The following TAFA1 variants were observed in gnomAD, a reference collection of about 807,000 sequenced individuals.
TAFA1 encodes chemokine-like protein TAFA-1.
Under a neutral mutation model 18.5 loss-of-function variants are expected in TAFA1, and 4 were observed. That is an observed-to-expected ratio of 0.22 (90% CI 0.11 to 0.49). The LOEUF is 0.49. TAFA1 is among the 20% of genes least tolerant of loss of function. The probability of loss-of-function intolerance (pLI) is 0.98; values close to 1 mark genes in which losing one functional copy is unlikely to be tolerated. For missense variants in TAFA1, 147 were observed against 169.0 expected, an observed-to-expected ratio of 0.87 and a Z score of 0.72; for synonymous variants, 56 against 55.2, an observed-to-expected ratio of 1.01 and a Z score of -0.06.
intron 2 of TAFA1, among the ~76,000 whole-genome samples, chr3:68,088,580 C>T (rs917384098): frequency 2.6e-5 from 4 of 152,130 alleles, no homozygotes; most frequent in African/African-American, 9.7e-5. Context: ...CAATTTTGAA[C>T]CTGTGCGTTT....
intron 2 of TAFA1, among the ~76,000 whole-genome samples, chr3:68,122,330 C>T (rs943026633): frequency 6.6e-6 from 1 of 152,132 alleles, no homozygotes; most frequent in African/African-American, 2.4e-5. Context: ...GTGACCCCTG[C>T]AATGTACAAA....
chr3:68,020,510 C>T lies in TAFA1; in HGVS notation c.118+13766C>T, dbSNP rs535400334. 2.5e-4 allele frequency among the ~76,000 whole-genome samples: 38 copies of T among 151,988 alleles called. No individual in the cohort carries two copies. The South Asian group carries it at 7.5e-3, about 30-fold the overall frequency. The stretch of plus-strand genomic sequence containing the variant: ...AGAGACAATGTTTGTTCTACACTTG[C>T]CATATAGTAGGTGTTTAGGACATGT... On this transcript the variant is annotated intron_variant, in intron 2 of 4. Coordinates refer to ENST00000478136, the MANE Select transcript of TAFA1 (RefSeq NM_213609.4).
intron 3 of TAFA1, among the ~76,000 whole-genome samples, chr3:68,532,226 G>A (rs979785547): frequency 5.3e-5 from 8 of 152,146 alleles, no homozygotes; most frequent in East Asian, 1.9e-4. Context: ...ATAGGGGCTC[G>A]GGTCTTCCCA....
rs542320276 is a variant in TAFA1 at position 68,165,686 on chromosome 3, G to A, written c.118+158942G>A. Among the ~76,000 whole-genome samples, 4 of 152,334 alleles carry A rather than the reference G, an allele frequency of 2.6e-5. No homozygotes were observed. The South Asian group carries it at 8.3e-4, about 32-fold the overall frequency. ...TATTTAACAAATATTTATTCATCAA[G>A]TGCTTTCTGTGTGCCAGGCACATTT... On this transcript the variant is annotated intron_variant, in intron 2 of 4. Transcript: ENST00000478136.
At chr3:68,457,980 T>A (rs2071698160) in intron 3 of TAFA1, among the ~76,000 whole-genome samples, 1 of 152,198 alleles carries the variant, frequency 6.6e-6, no homozygotes, top group South Asian at 2.1e-4. Flanking sequence ...GGTAAGCTCA[T>A]GGGATGAACC....
At chr3:68,201,203 T>G (rs1270621772) in intron 2 of TAFA1, among the ~76,000 whole-genome samples, 1 of 151,756 alleles carries the variant, frequency 6.6e-6, no homozygotes, top group African/African-American at 2.4e-5. Flanking sequence ...ATCTTTCTGT[T>G]ATTGAATTTT....
At chr3:68,265,528 G>A (rs1015704720) in intron 2 of TAFA1, among the ~76,000 whole-genome samples, 7 of 152,290 alleles carry the variant, frequency 4.6e-5, no homozygotes, top group African/African-American at 1.7e-4. Context: ...TATGAATTCT[G>A]AAGCTTCAGA....
chr3:68,528,038 A>G (rs917300960), intron 3 of TAFA1, among the ~76,000 whole-genome samples: 6 of 152,148 alleles, frequency 3.9e-5, no homozygotes, highest in Admixed American at 2.0e-4. Context: ...AAGAAATACA[A>G]TTTGAGCTGT....
chr3:68,387,038 A>G (rs2070119716), intron 2 of TAFA1, among the ~76,000 whole-genome samples: 2 of 151,902 alleles, frequency 1.3e-5, no homozygotes, highest in Admixed American at 6.6e-5. Flanking sequence ...AATTAAATCC[A>G]TACACTCTGT....
chr3:67,998,699 G>A, the TAFA1 span, among the ~76,000 whole-genome samples: 7 of 152,318 alleles, frequency 4.6e-5, no homozygotes, highest in East Asian at 3.9e-4. Context: ...TGTTTCAGCC[G>A]TGAGGAGACA....
rs2073445495 is a variant in TAFA1, at chr3:68,545,552, G to T, written c.*1049G>T. 2.0e-5 allele frequency: 3 copies of T among 152,586 alleles called. No homozygotes were observed. The South Asian group carries it at 6.2e-4, about 32-fold the overall frequency. The allele number at this position is 152,586 out of a possible 1,614,324, so 9.5% of individuals were successfully genotyped here. On this transcript the variant is annotated 3_prime_UTR_variant, in exon 5 of 5. Coordinates refer to ENST00000478136, the MANE Select transcript of TAFA1 (RefSeq NM_213609.4). ...GATAGGAAGGCCATGAAAACAATTAGATTTCAAGATGATCTATGTGACCAA... is the reference window on the plus strand; with the variant it reads ...GATAGGAAGGCCATGAAAACAATTATATTTCAAGATGATCTATGTGACCAA...
intron 3 of TAFA1, among the ~76,000 whole-genome samples, chr3:68,484,961 A>G (rs1322184891): frequency 6.6e-6 from 1 of 152,242 alleles, no homozygotes; most frequent in Non-Finnish European, 1.5e-5. Context: ...AAGAGTCATA[A>G]TCAAGGCTAT....
intron 2 of TAFA1, among the ~76,000 whole-genome samples, chr3:68,377,501 A>G (rs2069841446): frequency 6.6e-6 from 1 of 152,202 alleles, no homozygotes; most frequent in African/African-American, 2.4e-5. Context: ...ATTGGAATTT[A>G]TGTTTAAAAA....
chr3:68,479,323 A>G (rs2072180278), intron 3 of TAFA1, among the ~76,000 whole-genome samples: 2 of 151,470 alleles, frequency 1.3e-5, no homozygotes, highest in South Asian at 4.2e-4. Flanking sequence ...TTGTCTGTAC[A>G]TATATGTGAA....
intron 2 of TAFA1, among the ~76,000 whole-genome samples, chr3:68,280,642 T>G (rs538959345): frequency 6.6e-6 from 1 of 151,694 alleles, no homozygotes; most frequent in African/African-American, 2.4e-5. Context: ...TTCTGCACAG[T>G]GGGATGATTA....
At chr3:68,423,376 T>C (rs546449722) in intron 3 of TAFA1, among the ~76,000 whole-genome samples, 1 of 152,194 alleles carries the variant, frequency 6.6e-6, no homozygotes, top group Non-Finnish European at 1.5e-5. Flanking sequence ...ACATAGCCAG[T>C]CATGGCATAG....
intron 2 of TAFA1, among the ~76,000 whole-genome samples, chr3:68,378,502 G>A (rs1376461903): frequency 6.6e-6 from 1 of 152,090 alleles, no homozygotes; most frequent in East Asian, 1.9e-4. Context: ...ATCAAGAATG[G>A]CAGAAGGGAC....
chr3:68,333,355 G>T (rs116465852), intron 2 of TAFA1, among the ~76,000 whole-genome samples: 1,677 of 152,304 alleles, frequency 0.011, 11 homozygotes, highest in Non-Finnish European at 0.017. Context: ...TGAAGGTAGA[G>T]ACCTTTATCT....
chr3:68,057,055 C>T (rs551632397), intron 2 of TAFA1, among the ~76,000 whole-genome samples: 1 of 152,196 alleles, frequency 6.6e-6, no homozygotes, highest in South Asian at 2.1e-4. Flanking sequence ...CATCTCTCTT[C>T]TCTAACACAC....
Sources: gnomAD v4.1 joint callset for allele counts (sites outside exome capture counted in the v4.1 genomes callset) on GRCh38, gnomAD v4.1.1 for gene constraint, MANE v1.5 for transcripts, NCBI Gene and HGNC (gene_info 2026-07-23, HGNC 2026-07-21) for gene names.